The following PTN variants were observed in gnomAD, a reference collection of about 807,000 sequenced individuals.
PTN encodes the protein pleiotrophin.
Under a neutral mutation model 24.1 loss-of-function variants are expected in PTN, and 18 were observed. That is an observed-to-expected ratio of 0.75 (90% CI 0.52 to 1.11). The LOEUF (loss-of-function observed/expected upper bound fraction) is 1.11. Ranked by LOEUF, PTN falls within the 50% of genes least tolerant of loss-of-function variation. PTN has a pLI of 0.00. For missense variants in PTN, 163 were observed against 198.8 expected, an observed-to-expected ratio of 0.82 and a Z score of 1.08; for synonymous variants, 78 against 68.6, an observed-to-expected ratio of 1.14 and a Z score of -0.67.
intron 1 of PTN, among the ~76,000 whole-genome samples, chr7:137,295,018 C>T (rs1467481413): frequency 6.6e-6 from 1 of 152,012 alleles, no homozygotes; most frequent in East Asian, 1.9e-4. Context: ...ATCTTGTATC[C>T]CAACAATCTA....
intron 1 of PTN, among the ~76,000 whole-genome samples, chr7:137,322,578 A>C (rs1349332132): frequency 6.6e-6 from 1 of 152,176 alleles, no homozygotes; most frequent in African/African-American, 2.4e-5. Flanking sequence ...TGTATAGAAA[A>C]ATTAAAATAT....
At chr7:137,281,029 C>G (rs1355906825) in intron 1 of PTN, among the ~76,000 whole-genome samples, 1 of 152,028 alleles carries the variant, frequency 6.6e-6, no homozygotes, top group African/African-American at 2.4e-5. Context: ...GTTAAAATAT[C>G]ACATAGCTGT....
intron 1 of PTN, among the ~76,000 whole-genome samples, chr7:137,302,065 A>G (rs1032887742): frequency 7.9e-5 from 12 of 152,030 alleles, no homozygotes; most frequent in Non-Finnish European, 1.8e-4. Context: ...TTATCTGGAA[A>G]TTTAAAAGAA....
At chr7:137,326,829 C>T (rs1475803390) in intron 1 of PTN, 1 of 152,126 alleles carries the variant, frequency 6.6e-6, no homozygotes, top group African/African-American at 2.4e-5. Context: ...CCTGCTCCCC[C>T]CAATTAGACT....
At chr7:137,278,437 C>G (rs1809408126) in intron 1 of PTN, among the ~76,000 whole-genome samples, 4 of 149,610 alleles carry the variant, frequency 2.7e-5, no homozygotes, top group Middle Eastern at 3.5e-3. Context: ...TATATATTTT[C>G]TAAAAGGTTG....
chr7:137,288,391 C>G (rs1192632456), intron 1 of PTN, among the ~76,000 whole-genome samples: 1 of 152,092 alleles, frequency 6.6e-6, no homozygotes, highest in African/African-American at 2.4e-5. Context: ...TCAATTTTGT[C>G]CCTCAGTTCT....
chr7:137,247,370 A>G (rs1234545419), intron 4 of PTN, among the ~76,000 whole-genome samples: 1 of 152,198 alleles, frequency 6.6e-6, no homozygotes, highest in Non-Finnish European at 1.5e-5. Context: ...TTGCAACAAC[A>G]TGGATAGAAA....
intron 1 of PTN, among the ~76,000 whole-genome samples, chr7:137,319,756 C>T (rs980664529): frequency 7.2e-5 from 11 of 152,162 alleles, no homozygotes; most frequent in Admixed American, 6.5e-4. Flanking sequence ...ATACTTTTGC[C>T]GGAATGGGCT....
intron 1 of PTN, among the ~76,000 whole-genome samples, chr7:137,284,899 G>A (rs2128876531): frequency 6.6e-6 from 1 of 152,266 alleles, no homozygotes; most frequent in African/African-American, 2.4e-5. Context: ...TCTCAATGAA[G>A]TAAATACTGA....
chr7:137,258,488 T>C (rs1034966140), intron 1 of PTN, among the ~76,000 whole-genome samples: 2 of 152,196 alleles, frequency 1.3e-5, no homozygotes, highest in Non-Finnish European at 2.9e-5. Context: ...TCTTCTCCCC[T>C]TCCTTCTATT....
chr7:137,230,983 T>C lies in PTN; in HGVS notation c.452-2908A>G, dbSNP rs532277931. Among the ~76,000 whole-genome samples the C allele has an allele frequency of 3.2e-4, 48 of 152,000 alleles. No individual in the cohort carries two copies. The South Asian group carries it at 3.9e-3, about 12-fold the overall frequency. ...CCCCACACTTCCACTACGACATGTC[T>C]CATTAATGCCTCCCATCCTTCAGGT... On this transcript the variant is annotated intron_variant, in intron 4 of 4. Transcript: ENST00000348225.
At chr7:137,250,980 CTA>C (rs1808815725) in intron 4 of PTN, among the ~76,000 whole-genome samples, 1 of 152,112 alleles carries the variant, frequency 6.6e-6, no homozygotes, top group South Asian at 2.1e-4. Flanking sequence ...GTTTCTTTTG[CTA>C]TGTTATTTAT....
chr7:137,236,495 C>G (rs1387724935), intron 4 of PTN, among the ~76,000 whole-genome samples: 3 of 152,018 alleles, frequency 2.0e-5, no homozygotes, highest in African/African-American at 4.8e-5. Context: ...CATACACAGA[C>G]AGAGAGAGAG....
chr7:137,301,786 A>G (rs905043908), intron 1 of PTN, among the ~76,000 whole-genome samples: 34 of 152,102 alleles, frequency 2.2e-4, no homozygotes, highest in South Asian at 6.2e-4. Flanking sequence ...AGCATGTTTT[A>G]TCCTGTTTTG....
intron 1 of PTN, among the ~76,000 whole-genome samples, chr7:137,322,707 T>C (rs1448032730): frequency 6.6e-6 from 1 of 152,246 alleles, no homozygotes; most frequent in Non-Finnish European, 1.5e-5. Context: ...GCTTTTCTTT[T>C]TTCATGGTAC....
At chr7:137,333,626 TA>T (rs1810397004) in intron 1 of PTN, among the ~76,000 whole-genome samples, 1 of 152,196 alleles carries the variant, frequency 6.6e-6, no homozygotes, top group African/African-American at 2.4e-5. Flanking sequence ...TAACACTAAG[TA>T]AATATATTAC....
chr7:137,228,283 G>A (rs1014574093), intron 4 of PTN, among the ~76,000 whole-genome samples: 5 of 151,672 alleles, frequency 3.3e-5, no homozygotes, highest in African/African-American at 1.2e-4. Flanking sequence ...GTCTGCTTTT[G>A]ACAAAAGAGT....
At position 137,249,272 on chromosome 7, in the gene PTN, CGTGTGT is replaced by C. The variant is rs60014659; in HGVS notation, c.451+1952_451+1957del. ...CCATAGGAAAGAACAGGACAGTGCA[CGTGTGT>C]GTGTGTGTGTGTGTGTGTGTGTGTG... On this transcript the variant is annotated intron_variant, in intron 4 of 4. Transcript: ENST00000348225. Among the ~76,000 whole-genome samples, 584 of 145,366 alleles carry C rather than the reference CGTGTGT, an allele frequency of 4.0e-3. 1 individual carries two copies. The highest frequency in any genetic ancestry group is 7.0e-3 in the Middle Eastern group (2 of 284).
chr7:137,229,931 T>C (rs1480599865), intron 4 of PTN, among the ~76,000 whole-genome samples: 1 of 151,840 alleles, frequency 6.6e-6, no homozygotes, highest in Non-Finnish European at 1.5e-5. Context: ...ATTAGGATGG[T>C]ATCTTCAGAG....
Sources: allele counts gnomAD v4.1 joint callset (sites outside exome capture counted in the v4.1 genomes callset), GRCh38; gene constraint gnomAD v4.1.1; transcripts MANE v1.5; gene names NCBI Gene and HGNC (gene_info 2026-07-23, HGNC 2026-07-21).